The following DNAJC5B variants were observed in gnomAD, a reference collection of about 807,000 sequenced individuals.
DNAJC5B encodes dnaJ homolog subfamily C member 5B.
DNAJC5B carries 23 observed loss-of-function variants against 24.7 expected under a neutral mutation model. The ratio of observed to expected loss-of-function variants is 0.93; its 90% CI spans 0.67 to 1.32. The LOEUF (loss-of-function observed/expected upper bound fraction) is 1.32. Among genes scored for constraint, DNAJC5B ranks in the 40% most tolerant of loss-of-function variants. The pLI, the probability that DNAJC5B is intolerant of heterozygous loss-of-function variation, is 0.00. For missense variants in DNAJC5B, 238 were observed against 240.8 expected, an observed-to-expected ratio of 0.99 and a Z score of 0.08; for synonymous variants, 101 against 90.1, an observed-to-expected ratio of 1.12 and a Z score of -0.68.
chr8:66,062,018 C>A (rs554715643), intron 3 of DNAJC5B, among the ~76,000 whole-genome samples: 1 of 152,186 alleles, frequency 6.6e-6, no homozygotes, highest in African/African-American at 2.4e-5. Context: ...CTGCGCTGTT[C>A]CAGCAGAGCA....
chr8:66,030,559 G>A (rs114691729), intron 1 of DNAJC5B, among the ~76,000 whole-genome samples: 6,059 of 152,214 alleles, frequency 0.04, 270 homozygotes, highest in African/African-American at 0.11. Context: ...CTACTGGTAA[G>A]CCCACCTGCT....
chr8:66,028,263 C>T (rs777243769), intron 1 of DNAJC5B, among the ~76,000 whole-genome samples: 7 of 152,148 alleles, frequency 4.6e-5, no homozygotes, highest in Non-Finnish European at 4.4e-5. Flanking sequence ...TCTTACTCAC[C>T]GGCGCTCATG....
At chr8:66,082,147 A>T (rs1807610064) in intron 5 of DNAJC5B, among the ~76,000 whole-genome samples, 1 of 152,084 alleles carries the variant, frequency 6.6e-6, no homozygotes, top group Admixed American at 6.5e-5. Flanking sequence ...CATAGACCAT[A>T]GGATCTCCCA....
At chr8:66,027,459 A>G (rs1806269957) in intron 1 of DNAJC5B, among the ~76,000 whole-genome samples, 1 of 152,228 alleles carries the variant, frequency 6.6e-6, no homozygotes, top group Admixed American at 6.5e-5. Flanking sequence ...CTCTAACCAA[A>G]AGGAAGTGAA....
At chr8:66,081,952 C>T (rs1807605252) in intron 5 of DNAJC5B, among the ~76,000 whole-genome samples, 1 of 151,962 alleles carries the variant, frequency 6.6e-6, no homozygotes, top group Admixed American at 6.6e-5. Flanking sequence ...CCAAGAAGAC[C>T]AAGCAAGCAG....
At chr8:66,021,237 C>CA (rs913089398), upstream of DNAJC5B, among the ~76,000 whole-genome samples, 21 of 149,726 alleles carry the variant, frequency 1.4e-4, no homozygotes, top group South Asian at 1.5e-3. Context: ...TCCTCATCTG[C>CA]AAAAAAAAAG....
intron 2 of DNAJC5B, 94 bp from the exon 3 acceptor site, chr8:66,051,437 T>A: frequency 1.3e-6 from 1 of 753,194 alleles, no homozygotes. Flanking sequence ...TTCTTCAAAT[T>A]GTCATTTTAC....
rs950151054 is a variant in DNAJC5B at position 66,100,093 on chromosome 8, G to A, written c.*62G>A. 1.6e-5 allele frequency: 23 copies of A among 1,436,456 alleles called. 1 individual carries two copies. In the African/African-American group the frequency reaches 1.8e-4, roughly 11 times the overall value. The allele number at this position is 1,436,456 out of a possible 1,614,324, so 89.0% of individuals were successfully genotyped here. A position where few individuals can be genotyped will look rare whatever the true frequency, so the allele number is the denominator to read the frequency against. On this transcript the variant is annotated 3_prime_UTR_variant, in exon 6 of 6. Transcript: ENST00000276570. The stretch of plus-strand genomic sequence containing the variant: ...AGTTCAGTCTTGTCTCCAGATGGTC[G>A]TAGGGGAGCGTGTGGGGCATAAAGT...
chr8:66,038,163 T>A (rs1345170723), intron 1 of DNAJC5B, among the ~76,000 whole-genome samples: 2 of 152,222 alleles, frequency 1.3e-5, no homozygotes, highest in African/African-American at 4.8e-5. Context: ...GTGACCCTCA[T>A]GAGTGATGTT....
intron 5 of DNAJC5B, among the ~76,000 whole-genome samples, chr8:66,098,334 C>G (rs969003113): frequency 3.3e-5 from 5 of 152,136 alleles, no homozygotes; most frequent in African/African-American, 1.2e-4. Flanking sequence ...CTCCTGAATA[C>G]TGGGACCACA....
At chr8:66,082,318 CAATCTAGGATTGA>C (rs927387029) in intron 5 of DNAJC5B, among the ~76,000 whole-genome samples, 1 of 152,000 alleles carries the variant, frequency 6.6e-6, no homozygotes. Flanking sequence ...TACCTAGGTT[CAATCTAGGATTGA>C]ACCTAGATAT....
chr8:66,100,041 C>T lies in DNAJC5B; in HGVS notation c.*10C>T. Reference sequence around the variant, plus strand: ...TTGCACAGACTCTTGATATTGAGCCCTCAGAGAGTCCACAGTCCCTCCTCT... The same window carrying T: ...TTGCACAGACTCTTGATATTGAGCCTTCAGAGAGTCCACAGTCCCTCCTCT... On this transcript the variant is annotated 3_prime_UTR_variant, in exon 6 of 6. Coordinates refer to ENST00000276570, the MANE Select transcript of DNAJC5B (RefSeq NM_033105.6). 6.2e-7 allele frequency: 1 copy of T among 1,611,834 alleles called. No homozygotes were observed. The highest frequency in any genetic ancestry group is 1.1e-5 in the South Asian group (1 of 90,916).
In DNAJC5B at chr8:66,026,222, T is replaced by C. The variant is rs376935373; in HGVS notation, c.-142+4517T>C. ...AGTTCACTCATGATTTGGCTCTCTGTTTGTCTGTTGTTGGTGTATAAGAAT... is the reference window on the plus strand; with the variant it reads ...AGTTCACTCATGATTTGGCTCTCTGCTTGTCTGTTGTTGGTGTATAAGAAT... On this transcript the variant is annotated intron_variant, in intron 1 of 5. Transcript: ENST00000276570. Among the ~76,000 whole-genome samples, 283 of 148,730 alleles carry C rather than the reference T, an allele frequency of 1.9e-3. 4 individuals are homozygous for C. Among genetic ancestry groups the C allele is most frequent in the African/African-American group, 6.8e-3 (269 of 39,322 alleles).
Position 66,021,683 on chromosome 8 carries a change from T to G in DNAJC5B, c.-164T>G, listed in dbSNP as rs1393389371. On this transcript the variant is annotated 5_prime_UTR_variant, in exon 1 of 6. It removes an upstream start codon present in the reference 5' UTR. Transcript: ENST00000276570. Reference sequence around the variant, plus strand: ...AGAACAGGACTTGCCAGTGTCTAGATGAAAAAGAGGAGAGATCTCAAGGTG... The same window carrying G: ...AGAACAGGACTTGCCAGTGTCTAGAGGAAAAAGAGGAGAGATCTCAAGGTG... 2 of 152,270 alleles carry G rather than the reference T, an allele frequency of 1.3e-5. No individual in the cohort carries two copies. Among genetic ancestry groups the G allele is most frequent in the African/African-American group, 2.4e-5 (1 of 41,436 alleles). 9.4% of individuals were successfully genotyped at this position (152,270 alleles called of 1,614,324 possible). A position where few individuals can be genotyped will look rare whatever the true frequency, so the allele number is the denominator to read the frequency against.
At chr8:66,041,593 AC>A (rs1305135646) in intron 1 of DNAJC5B, among the ~76,000 whole-genome samples, 11 of 152,214 alleles carry the variant, frequency 7.2e-5, no homozygotes, top group Admixed American at 7.2e-4. Flanking sequence ...CAGAGACAGG[AC>A]TTTTTGGTTC....
At chr8:66,039,291 C>T (rs887664879) in intron 1 of DNAJC5B, among the ~76,000 whole-genome samples, 24 of 152,018 alleles carry the variant, frequency 1.6e-4, no homozygotes, top group Non-Finnish European at 2.6e-4. Flanking sequence ...ACTCAACCTC[C>T]TCAATCTTAA....
chr8:66,090,755 T>C (rs78306546), intron 5 of DNAJC5B, among the ~76,000 whole-genome samples: 4,393 of 152,266 alleles, frequency 0.029, 86 homozygotes, highest in Non-Finnish European at 0.045. Flanking sequence ...CATCACATCT[T>C]ACTGCCCAGG....
rs1227481344 is a variant in DNAJC5B at position 66,056,815 on chromosome 8, A to T, written c.119+5149A>T. 5 of 152,304 alleles carry T rather than the reference A, an allele frequency of 3.3e-5. No homozygotes were observed. In the East Asian group the frequency reaches 9.6e-4, roughly 29 times the overall value. The allele number at this position is 152,304 out of a possible 1,614,324, so 9.4% of individuals were successfully genotyped here. A position where few individuals can be genotyped will look rare whatever the true frequency, so the allele number is the denominator to read the frequency against. ...GCTAACTCCTGTGCTGAGATGAACC[A>T]GATGTTGGAACTATCTGAAAAGCAT... is the stretch of plus-strand genomic sequence containing the variant. On this transcript the variant is annotated intron_variant, in intron 3 of 5. Transcript: ENST00000276570.
rs2128968009 is a variant in DNAJC5B, at chr8:66,101,182, T to C, written c.*1151T>C. Among the ~76,000 whole-genome samples the C allele has an allele frequency of 6.6e-6, 1 of 152,346 alleles. No homozygotes were observed. The highest frequency in any genetic ancestry group is 1.9e-4 in the East Asian group (1 of 5,192). ...TTATAGTTAATTGCTGCTAAATATA[T>C]ATTGTAAGTGAGAATTAGTGTTATA... On this transcript the variant is annotated 3_prime_UTR_variant, in exon 6 of 6. Transcript: ENST00000276570.
Sources: allele counts gnomAD v4.1 joint callset (sites outside exome capture counted in the v4.1 genomes callset), GRCh38; gene constraint gnomAD v4.1.1; transcripts MANE v1.5; gene names NCBI Gene and HGNC (gene_info 2026-07-23, HGNC 2026-07-21).